Variants in OR2L13 observed in about 807,000 individuals in gnomAD.
OR2L13 encodes the protein olfactory receptor family 2 subfamily L member 13.
A neutral mutation model predicts 15.3 loss-of-function variants in OR2L13; 14 were observed. The observed-to-expected ratio is 0.91, with a 90% confidence interval of 0.60 to 1.43. The LOEUF is 1.43. Ranked by LOEUF, OR2L13 falls within the 40% of genes most tolerant of loss-of-function variation. The probability of loss-of-function intolerance (pLI) is 0.00; values close to 1 mark genes in which losing one functional copy is unlikely to be tolerated. For synonymous variants in OR2L13, 152 were observed against 142.9 expected (o/e 1.06, Z -0.45); for missense variants, 367 against 387.9 (o/e 0.95, Z 0.45).
chr1:248,082,359 G>A, the OR2L13 span, among the ~76,000 whole-genome samples: 3 of 378 alleles, frequency 7.9e-3, no homozygotes, highest in Non-Finnish European at 0.014. Flanking sequence ...GGGGGTGGGG[G>A]GAGGGGGGAG....
At chr1:248,083,519 C>A in the OR2L13 span, 2 of 795,622 alleles carry the variant, frequency 2.5e-6, no homozygotes, top group South Asian at 1.8e-5. Flanking sequence ...TTAAAAATAT[C>A]TTATTATATC....
At chr1:248,094,250 A>T (rs909873092), upstream of OR2L13, among the ~76,000 whole-genome samples, 1 of 152,172 alleles carries the variant, frequency 6.6e-6, no homozygotes, top group African/African-American at 2.4e-5. Flanking sequence ...AAGAACATGG[A>T]TATTAATTTT....
chr1:247,952,486 A>G, the OR2L13 span, among the ~76,000 whole-genome samples: 2 of 152,146 alleles, frequency 1.3e-5, no homozygotes, highest in African/African-American at 4.8e-5. Context: ...CCCTTCTACC[A>G]TGTGAGGTCA....
At chr1:247,995,172 C>T in the OR2L13 span, among the ~76,000 whole-genome samples, 1 of 152,344 alleles carries the variant, frequency 6.6e-6, no homozygotes, top group African/African-American at 2.4e-5. Context: ...CATGAATCCT[C>T]ATCACTCCCT....
the OR2L13 span, among the ~76,000 whole-genome samples, chr1:248,045,129 T>C: frequency 1.3e-5 from 2 of 152,180 alleles, no homozygotes; most frequent in Non-Finnish European, 2.9e-5. Context: ...TAGAATGGGG[T>C]TTCTTAATAA....
At chr1:248,096,252 G>A (rs1368673582), upstream of OR2L13, among the ~76,000 whole-genome samples, 2 of 151,880 alleles carry the variant, frequency 1.3e-5, no homozygotes, top group African/African-American at 2.4e-5. Flanking sequence ...GCGTGGTGGT[G>A]GGCGCCTGTA....
the OR2L13 span, among the ~76,000 whole-genome samples, chr1:248,054,527 T>C: frequency 6.6e-6 from 1 of 152,218 alleles, no homozygotes; most frequent in Non-Finnish European, 1.5e-5. Context: ...TAAATTGCTT[T>C]GGGCGGTATG....
the OR2L13 span, among the ~76,000 whole-genome samples, chr1:247,990,049 TTTAG>T: frequency 6.6e-5 from 10 of 152,110 alleles, no homozygotes; most frequent in African/African-American, 2.4e-4. Context: ...TGGTTTTCTT[TTTAG>T]TTATTTTTGT....
the OR2L13 span, among the ~76,000 whole-genome samples, chr1:248,001,719 ATAT>A: frequency 8.5e-3 from 1,291 of 152,086 alleles, 12 homozygotes; most frequent in Non-Finnish European, 0.012. Context: ...TATTTAAATA[ATAT>A]TATATAATAG....
At chr1:247,990,557 G>T in the OR2L13 span, 3 of 1,565,388 alleles carry the variant, frequency 1.9e-6, no homozygotes, top group East Asian at 6.7e-5. Flanking sequence ...ACTGGGTGTG[G>T]GATTCAGAGT....
At chr1:247,946,056 G>A in the OR2L13 span, among the ~76,000 whole-genome samples, 1 of 152,014 alleles carries the variant, frequency 6.6e-6, no homozygotes, top group Admixed American at 6.6e-5. Context: ...TTTTCAGTGT[G>A]TAAAGTTTTC....
At chr1:247,974,220 G>GT in the OR2L13 span, among the ~76,000 whole-genome samples, 1 of 152,122 alleles carries the variant, frequency 6.6e-6, no homozygotes, top group East Asian at 1.9e-4. Context: ...GAGTTGAACA[G>GT]TGAGAACACG....
chr1:248,033,266 A>G, the OR2L13 span, among the ~76,000 whole-genome samples: 3 of 152,154 alleles, frequency 2.0e-5, no homozygotes, highest in Admixed American at 6.6e-5. Flanking sequence ...TATGGTGTAA[A>G]GTAAGCATCC....
At chr1:247,956,484 G>A in the OR2L13 span, among the ~76,000 whole-genome samples, 7 of 151,234 alleles carry the variant, frequency 4.6e-5, no homozygotes, top group South Asian at 1.5e-3. Flanking sequence ...TGTGAAGAAA[G>A]TCATTGGTAG....
chr1:248,028,871 T>G, the OR2L13 span, among the ~76,000 whole-genome samples: 5,598 of 152,306 alleles, frequency 0.037, 348 homozygotes, highest in African/African-American at 0.13. Flanking sequence ...ACCTCCTCTT[T>G]CAGCACATAT....
the OR2L13 span, among the ~76,000 whole-genome samples, chr1:247,940,586 C>A: frequency 6.6e-6 from 1 of 152,012 alleles, no homozygotes; most frequent in African/African-American, 2.4e-5. Flanking sequence ...TAACAGAAAA[C>A]CTATAGGTAT....
the OR2L13 span, chr1:247,990,504 A>G: frequency 6.4e-6 from 10 of 1,574,242 alleles, no homozygotes; most frequent in Admixed American, 3.3e-5. Flanking sequence ...TGTTCCTAAG[A>G]TGGTTTATGA....
At chr1:248,035,608 C>T in the OR2L13 span, 1 of 152,140 alleles carries the variant, frequency 6.6e-6, no homozygotes, top group African/African-American at 2.4e-5. Context: ...CATAACAGAC[C>T]CTTCCTGAAC....
the OR2L13 span, among the ~76,000 whole-genome samples, chr1:248,058,590 C>A: frequency 6.6e-6 from 1 of 151,710 alleles, no homozygotes; most frequent in Admixed American, 6.6e-5. Flanking sequence ...TAGAATTTGT[C>A]TTGTGGGTAA....
Sources: allele counts gnomAD v4.1 joint callset (sites outside exome capture counted in the v4.1 genomes callset), GRCh38; gene constraint gnomAD v4.1.1; transcripts MANE v1.5; gene names NCBI Gene and HGNC (gene_info 2026-07-23, HGNC 2026-07-21).